Variants in RBFOX3 observed in about 807,000 individuals in gnomAD.
The protein encoded by RBFOX3 is RNA binding protein fox-1 homolog 3.
Under a neutral mutation model 48.7 loss-of-function variants are expected in RBFOX3, and 17 were observed. The ratio of observed to expected loss-of-function variants is 0.35; its 90% CI spans 0.24 to 0.52. The LOEUF (loss-of-function observed/expected upper bound fraction) is 0.52. Among genes scored for constraint, RBFOX3 ranks in the 20% least tolerant of loss-of-function variants. The pLI is 0.94. For synonymous variants in RBFOX3, 212 were observed against 209.5 expected, an observed-to-expected ratio of 1.01 and a Z score of -0.10; for missense variants, 382 against 497.5, an observed-to-expected ratio of 0.77 and a Z score of 2.21.
rs1398249891 is a variant in RBFOX3 at position 79,391,043 on chromosome 17, T to C, written c.-174-83219A>G. Reference sequence around the variant, plus strand: ...GCTTTCTCGCTGTCTCTTCAAAGTCTCTCTTCTACCCACTGCCATGGGAGC... The same window carrying C: ...GCTTTCTCGCTGTCTCTTCAAAGTCCCTCTTCTACCCACTGCCATGGGAGC... On this transcript the variant is annotated intron_variant, in intron 2 of 14. Transcript: ENST00000693108. The surrounding 1 kb of genome is among the most constrained non-coding windows in gnomAD (Gnocchi z 5.0). Among the ~76,000 whole-genome samples, 1 of 152,136 alleles carries C rather than the reference T, an allele frequency of 6.6e-6. No homozygotes were observed. Among genetic ancestry groups the C allele is most frequent in the African/African-American group, 2.4e-5 (1 of 41,430 alleles).
intron 1 of RBFOX3, among the ~76,000 whole-genome samples, chr17:79,513,883 C>A (rs1288917610): frequency 6.6e-6 from 1 of 152,170 alleles, no homozygotes; most frequent in Non-Finnish European, 1.5e-5. Context: ...TGGGCCTGCC[C>A]CTGCACATCT....
At chr17:79,491,751 C>G (rs2080701120) in intron 1 of RBFOX3, among the ~76,000 whole-genome samples, 2 of 152,148 alleles carry the variant, frequency 1.3e-5, no homozygotes. Context: ...TACCCACAGT[C>G]TACTCTGCTA....
chr17:79,391,460 T>C lies in RBFOX3; in HGVS notation c.-174-83636A>G, dbSNP rs914289888. Among the ~76,000 whole-genome samples, 1 of 152,214 alleles carries C rather than the reference T, an allele frequency of 6.6e-6. No individual in the cohort carries two copies. Among genetic ancestry groups the C allele is most frequent in the Non-Finnish European group, 1.5e-5 (1 of 68,044 alleles). On this transcript the variant is annotated intron_variant, in intron 2 of 14. Transcript: ENST00000693108. The surrounding 1 kb of genome is among the most constrained non-coding windows in gnomAD (Gnocchi z 5.0). The stretch of plus-strand genomic sequence containing the variant: ...CTCTGCTTAATAATGGGTGGTATCA[T>C]AACATCTTCCTGAATTATTATCTAA...
At chr17:79,573,928 C>T (rs2092770336) in intron 1 of RBFOX3, among the ~76,000 whole-genome samples, 3 of 152,182 alleles carry the variant, frequency 2.0e-5, no homozygotes, top group South Asian at 4.1e-4. Flanking sequence ...AACTAAACTG[C>T]GGAGGTGGGA....
intron 1 of RBFOX3, among the ~76,000 whole-genome samples, chr17:79,513,354 G>A (rs931344063): frequency 7.1e-4 from 108 of 152,318 alleles, no homozygotes; most frequent in African/African-American, 2.3e-3. Context: ...ATGGCCCCAC[G>A]GCCAGGTGGC....
At chr17:79,497,237 G>C (rs1467701259) in intron 1 of RBFOX3, among the ~76,000 whole-genome samples, 1 of 152,200 alleles carries the variant, frequency 6.6e-6, no homozygotes, top group Non-Finnish European at 1.5e-5. Context: ...TAATGGTACA[G>C]ATATTTGTCA....
intron 4 of RBFOX3, among the ~76,000 whole-genome samples, chr17:79,228,839 C>T (rs184421244): frequency 1.3e-5 from 2 of 152,198 alleles, no homozygotes; most frequent in Admixed American, 6.5e-5. Context: ...GCTCCTGCCA[C>T]CTGACTCATT....
chr17:79,374,331 G>A (rs2147743377), intron 2 of RBFOX3, among the ~76,000 whole-genome samples: 1 of 152,270 alleles, frequency 6.6e-6, no homozygotes, highest in South Asian at 2.1e-4. Context: ...CCAGGCGAGG[G>A]GGCTGGTGTG....
At chr17:79,371,694 T>A (rs1014187961) in intron 2 of RBFOX3, among the ~76,000 whole-genome samples, 1 of 152,162 alleles carries the variant, frequency 6.6e-6, no homozygotes, top group South Asian at 2.1e-4. Flanking sequence ...CCTCACGCTC[T>A]TTCCTCTTCT....
intron 2 of RBFOX3, among the ~76,000 whole-genome samples, chr17:79,308,685 C>T (rs543223838): frequency 2.0e-5 from 3 of 152,218 alleles, no homozygotes; most frequent in East Asian, 1.9e-4. Flanking sequence ...TGTCTGAATG[C>T]GATGAGTGCC....
chr17:79,226,818 T>C (rs1275675613), intron 4 of RBFOX3, among the ~76,000 whole-genome samples: 1 of 152,172 alleles, frequency 6.6e-6, no homozygotes, highest in Non-Finnish European at 1.5e-5. Flanking sequence ...GACATGGGCA[T>C]TTGCAGGTAT....
chr17:79,183,981 C>T (rs1043982215), intron 4 of RBFOX3, among the ~76,000 whole-genome samples: 10 of 152,240 alleles, frequency 6.6e-5, no homozygotes, highest in African/African-American at 2.2e-4. Flanking sequence ...CTCCGTTCTC[C>T]GGCCGCTGCG....
the RBFOX3 span, among the ~76,000 whole-genome samples, chr17:79,631,390 C>A: frequency 6.6e-6 from 1 of 152,052 alleles, no homozygotes; most frequent in South Asian, 2.1e-4. Context: ...ACACGGTGCA[C>A]GGGCCTATTT....
At chr17:79,388,955 T>TG (rs1424673614) in intron 2 of RBFOX3, among the ~76,000 whole-genome samples, 54 of 152,214 alleles carry the variant, frequency 3.5e-4, no homozygotes, top group African/African-American at 1.3e-3. Flanking sequence ...CCTTTAGAAC[T>TG]GGGGCCTTGC....
intron 2 of RBFOX3, among the ~76,000 whole-genome samples, chr17:79,327,659 CT>C (rs1235793536): frequency 6.6e-6 from 1 of 152,230 alleles, no homozygotes; most frequent in Non-Finnish European, 1.5e-5. Context: ...TGGGAAAATA[CT>C]TCTGGTTTTG....
At chr17:79,190,914 G>A (rs1411589651) in intron 4 of RBFOX3, among the ~76,000 whole-genome samples, 4 of 152,218 alleles carry the variant, frequency 2.6e-5, no homozygotes, top group Non-Finnish European at 5.9e-5. Context: ...GTCCAAAAGG[G>A]AAGACTGTAC....
intron 3 of RBFOX3, among the ~76,000 whole-genome samples, chr17:79,275,123 C>CCT (rs368963249): frequency 0.045 from 5,833 of 130,550 alleles, 269 homozygotes; most frequent in African/African-American, 0.11. Context: ...TCCATGTCTC[C>CCT]CTCTCTCTCT....
At chr17:79,459,246 G>T (rs1399372243) in intron 2 of RBFOX3, among the ~76,000 whole-genome samples, 1 of 152,220 alleles carries the variant, frequency 6.6e-6, no homozygotes, top group Non-Finnish European at 1.5e-5. Context: ...GGCCCTGGAG[G>T]TTCCGAGGCT....
chr17:79,487,913 GAAAA>G lies in RBFOX3; in HGVS notation c.-319-5319_-319-5316del, dbSNP rs60345819. ...GGTGACAGAGCAAGACCCCATCTCA[GAAAA>G]AAAAAAAAAAAAATTCCTGGGTGAC... On this transcript the variant is annotated intron_variant, in intron 1 of 14. Coordinates refer to ENST00000693108, the MANE Select transcript of RBFOX3 (RefSeq NM_001350451.2). Among the ~76,000 whole-genome samples, 4 of 76,912 alleles carry G rather than the reference GAAAA, an allele frequency of 5.2e-5. No homozygotes were observed. In the East Asian group the frequency reaches 1.6e-3, roughly 31 times the overall value. The allele number at this position is 76,912 out of a possible 152,430, so 50.5% of individuals were successfully genotyped here.
Sources: gnomAD v4.1 joint callset for allele counts (sites outside exome capture counted in the v4.1 genomes callset) on GRCh38, gnomAD v4.1.1 for gene constraint, Gnocchi (gnomAD v3.1) non-coding constraint, MANE v1.5 for transcripts, NCBI Gene and HGNC (gene_info 2026-07-23, HGNC 2026-07-21) for gene names.